OSBPL10: variants seen among roughly 807,000 people sequenced by gnomAD.
OSBPL10 encodes oxysterol binding protein like 10.
In OSBPL10, 49 loss-of-function variants were observed where a neutral mutation model predicts 81.7. The observed-to-expected ratio is 0.60, with a 90% CI of 0.48 to 0.76. The LOEUF (loss-of-function observed/expected upper bound fraction) is 0.76, where lower values mean the gene tolerates loss of function less well. Among genes scored for constraint, OSBPL10 ranks in the 30% least tolerant of loss-of-function variants. The pLI, the probability that OSBPL10 is intolerant of heterozygous loss-of-function variation, is 0.00. For synonymous variants in OSBPL10, 419 were observed against 383.6 expected (o/e 1.09, Z -1.08); for missense variants, 923 against 987.8 (o/e 0.93, Z 0.88).
chr3:31,921,755 G>A (rs1696922335), intron 1 of OSBPL10, among the ~76,000 whole-genome samples: 1 of 152,160 alleles, frequency 6.6e-6, no homozygotes, highest in Non-Finnish European at 1.5e-5. Context: ...ACTTTCTTTT[G>A]CGGAGCACAG....
Position 31,702,404 on chromosome 3 carries a change from A to T in OSBPL10, c.1200T>A (p.Ile400=). The T allele has an allele frequency of 1.2e-6, 2 of 1,614,206 alleles. No individual in the cohort carries two copies. Among genetic ancestry groups the T allele is most frequent in the Non-Finnish European group, 1.7e-6 (2 of 1,180,036 alleles). The change falls in exon 7 of 12, where the codon ATT becomes ATA. Residue 400 remains isoleucine (I), a synonymous_variant. Coordinates refer to ENST00000396556, the MANE Select transcript of OSBPL10 (RefSeq NM_017784.5). ...GTTTGAGTTGTGAAATGAGATGAAG[A>T]ATTATACTACGCTGATCCTCCATGA... ...LGVMEDQRSI[I]LHLISQLKLG...
At chr3:31,948,117 G>A (rs1263163078) in intron 1 of OSBPL10, among the ~76,000 whole-genome samples, 1 of 152,146 alleles carries the variant, frequency 6.6e-6, no homozygotes, top group Non-Finnish European at 1.5e-5. Context: ...AAAGGTACAG[G>A]CATGAAGTAT....
chr3:31,699,295 C>T (rs568748259), intron 7 of OSBPL10, among the ~76,000 whole-genome samples: 12 of 152,334 alleles, frequency 7.9e-5, no homozygotes, highest in Middle Eastern at 3.4e-3. Context: ...CCCATAGGCT[C>T]TGCAGGACCT....
chr3:31,788,091 G>A lies in OSBPL10; in HGVS notation c.730-39971C>T, dbSNP rs1427191238. Among the ~76,000 whole-genome samples, 5 of 151,802 alleles carry A rather than the reference G, an allele frequency of 3.3e-5. 1 individual carries two copies. The highest frequency in any genetic ancestry group is 1.2e-4 in the African/African-American group (5 of 41,318). ...CAAAGGACATATTGATTAGGTTATT[G>A]TTTTTTTTCTCCCAGAAAAGGTGAC... On this transcript the variant is annotated intron_variant, in intron 4 of 11. Transcript: ENST00000396556.
At chr3:31,993,335 G>A (rs1699054941) in intron 2 of OSBPL10, among the ~76,000 whole-genome samples, 1 of 151,614 alleles carries the variant, frequency 6.6e-6, no homozygotes, top group Admixed American at 6.6e-5. Context: ...TCAGCCTCCC[G>A]GTAGCTGGGA....
At chr3:32,043,603 C>T (rs951681205) in intron 2 of OSBPL10, among the ~76,000 whole-genome samples, 3 of 152,174 alleles carry the variant, frequency 2.0e-5, no homozygotes, top group African/African-American at 4.8e-5. Context: ...TGGCTCCAGC[C>T]GGTCCCTCCG....
At chr3:31,949,986 T>A (rs968612101) in intron 1 of OSBPL10, among the ~76,000 whole-genome samples, 4 of 152,066 alleles carry the variant, frequency 2.6e-5, no homozygotes, top group East Asian at 3.9e-4. Flanking sequence ...TTGGCAAAAA[T>A]TTTTTAAAGT....
In OSBPL10 at chr3:31,683,823, C is replaced by A; in HGVS notation, c.1537G>T (p.Glu513Ter). 1 of 1,614,196 alleles carries A rather than the reference C, an allele frequency of 6.2e-7. No individual in the cohort carries two copies. Among genetic ancestry groups the A allele is most frequent in the Non-Finnish European group, 8.5e-7 (1 of 1,180,050 alleles). The part of the protein sequence containing the change: ...TASRSPASCH[E>*]HPMADDPSKS... ...GAAGGGTCATCGGCCATTGGGTGTT[C>A]GTGACAGCTGGCAGGAGAGCGGGAA... The change falls in exon 8 of 12, where the codon GAA (glutamate) becomes TAA (stop). Residue 513 changes from glutamate to a stop codon, truncating the protein, a stop_gained. Transcript: ENST00000396556. LOFTEE classifies it high-confidence loss of function.
chr3:31,981,125 G>T lies in OSBPL10; in HGVS notation c.55C>A (p.Arg19Ser). 6.7e-7 allele frequency: 1 copy of T among 1,492,828 alleles called. No homozygotes were observed. 92.5% of individuals were successfully genotyped at this position (1,492,828 alleles called of 1,614,324 possible). The change falls in exon 1 of 12, where the codon CGC becomes AGC. Residue 19 changes from arginine (R) to serine (S), a missense_variant. Transcript: ENST00000396556. The surrounding 1 kb of genome is among the most constrained non-coding windows in gnomAD (Gnocchi z 4.5). ...GCCGAGGTAGCACGGCTGCTGCTGC[G>T]GCTGCTGCTGTTGCTACCCCCGCCG... ...DGGGGSNSSS[R>S]SSSRATSAGS...
intron 1 of OSBPL10, among the ~76,000 whole-genome samples, chr3:31,901,634 A>C (rs542935613): frequency 2.6e-5 from 4 of 152,266 alleles, no homozygotes; most frequent in African/African-American, 9.6e-5. Context: ...CTGTGTCCTT[A>C]TTTGTGGGAT....
rs915826664 is a variant in OSBPL10 at position 31,662,814 on chromosome 3, A to G, written c.2251-698T>C. The G allele has an allele frequency of 5.1e-6, 5 of 985,310 alleles. No homozygotes were observed. The Admixed American group carries it at 3.1e-4, about 61-fold the overall frequency. 61.0% of individuals were successfully genotyped at this position (985,310 alleles called of 1,614,324 possible). A position where few individuals can be genotyped will look rare whatever the true frequency, so the allele number is the denominator to read the frequency against. Reference sequence around the variant, plus strand: ...CACAGCCTTCCACAGAAGCCAGACAAACTAGCTCTCTCAAGCTACTAGCTC... The same window carrying G: ...CACAGCCTTCCACAGAAGCCAGACAGACTAGCTCTCTCAAGCTACTAGCTC... On this transcript the variant is annotated intron_variant, in intron 11 of 11. Coordinates refer to ENST00000396556, the MANE Select transcript of OSBPL10 (RefSeq NM_017784.5).
intron 3 of OSBPL10, among the ~76,000 whole-genome samples, chr3:31,866,645 A>ACT (rs944434176): frequency 2.6e-5 from 4 of 152,080 alleles, no homozygotes; most frequent in Admixed American, 1.3e-4. Context: ...AGGGTATATC[A>ACT]CTGGTGTCAG....
At position 31,719,898 on chromosome 3, in the gene OSBPL10, A is replaced by G. The variant is rs543814276; in HGVS notation, c.1095+13359T>C. ...AATTATGATATATTCATAGACTGGA[A>G]TGGCTTTGTAGCTGTTCAAAAGAAT... On this transcript the variant is annotated intron_variant, in intron 6 of 11. Transcript: ENST00000396556. 7.2e-5 allele frequency among the ~76,000 whole-genome samples: 11 copies of G among 152,100 alleles called. No homozygotes were observed. In the South Asian group the frequency reaches 1.7e-3, roughly 23 times the overall value.
At chr3:31,937,339 C>A (rs1217840469) in intron 1 of OSBPL10, among the ~76,000 whole-genome samples, 1 of 151,910 alleles carries the variant, frequency 6.6e-6, no homozygotes, top group Non-Finnish European at 1.5e-5. Flanking sequence ...TCATAAAGAG[C>A]CTTTTCTTGC....
chr3:31,857,943 G>A (rs899654654), intron 3 of OSBPL10, among the ~76,000 whole-genome samples: 6 of 151,024 alleles, frequency 4.0e-5, no homozygotes, highest in Non-Finnish European at 7.4e-5. Context: ...TGTCTCTCCC[G>A]TTTTTGTTTG....
intron 3 of OSBPL10, among the ~76,000 whole-genome samples, chr3:31,843,077 C>T (rs1700539671): frequency 1.3e-5 from 2 of 152,210 alleles, no homozygotes; most frequent in Admixed American, 6.5e-5. Flanking sequence ...GGCTGCTGAG[C>T]CAACTATTGG....
At chr3:31,916,714 C>T (rs920299685) in intron 1 of OSBPL10, among the ~76,000 whole-genome samples, 5 of 152,166 alleles carry the variant, frequency 3.3e-5, no homozygotes, top group African/African-American at 1.2e-4. Flanking sequence ...AACATAAAAG[C>T]TCTCTAAATC....
intron 4 of OSBPL10, among the ~76,000 whole-genome samples, chr3:31,813,310 G>A (rs1213009193): frequency 1.3e-5 from 2 of 152,170 alleles, no homozygotes; most frequent in East Asian, 3.9e-4. Flanking sequence ...AGGTCAAATG[G>A]CTTGCCCAAG....
chr3:31,798,430 C>A (rs1159235753), intron 4 of OSBPL10, among the ~76,000 whole-genome samples: 45 of 147,362 alleles, frequency 3.1e-4, no homozygotes, highest in East Asian at 7.9e-4. Flanking sequence ...AACTCCATCT[C>A]AAAAAAAAAA....
Sources: allele counts gnomAD v4.1 joint callset (sites outside exome capture counted in the v4.1 genomes callset), GRCh38; gene constraint gnomAD v4.1.1; non-coding constraint Gnocchi (gnomAD v3.1); transcripts MANE v1.5; gene names NCBI Gene and HGNC (gene_info 2026-07-23, HGNC 2026-07-21).